The following RGPD3 variants were observed in gnomAD, a reference collection of about 807,000 sequenced individuals.
RGPD3 encodes the protein RANBP2 like and GRIP domain containing 3, also known as ranBP2-like and GRIP domain-containing protein 3.
A neutral mutation model predicts 154.5 loss-of-function variants in RGPD3; 62 were observed. That is an observed-to-expected ratio of 0.40 (90% CI 0.33 to 0.50). The LOEUF is 0.50. Among genes scored for constraint, RGPD3 ranks in the 20% least tolerant of loss-of-function variants. The pLI is 0.59. For synonymous variants in RGPD3, 308 were observed against 607.0 expected, an observed-to-expected ratio of 0.51 and a Z score of 7.24; for missense variants, 919 against 1,716.8, an observed-to-expected ratio of 0.54 and a Z score of 8.21.
In RGPD3 at chr2:106,418,131, C is replaced by CA. The variant is rs774150980; in HGVS notation, c.4925-2143dup. On this transcript the variant is annotated intron_variant, in intron 20 of 22. Transcript: ENST00000409886. ...GACAGAGCAAGACTCCAGCTCAAAA[C>CA]AAAAAAACAAACAAAAAAAAACTTA... is the stretch of plus-strand genomic sequence containing the variant. Among the ~76,000 whole-genome samples, 7 of 143,112 alleles carry CA rather than the reference C, an allele frequency of 4.9e-5. 1 individual carries two copies. The highest frequency in any genetic ancestry group is 1.1e-4 in the Non-Finnish European group (7 of 65,918). The allele number at this position is 143,112 out of a possible 152,430, so 93.9% of individuals were successfully genotyped here.
chr2:106,415,853 A>G lies in RGPD3; in HGVS notation c.5061T>C (p.Ile1687=). The part of the protein sequence containing the change: ...EATNAVLMEQ[I]KLLKSEIRRL... Reference sequence around the variant, plus strand: ...TGGCCAGGTTTTCTGATCTCACCTTAATTTGCTCCATAAGGACTGCATTGG... The same window carrying G: ...TGGCCAGGTTTTCTGATCTCACCTTGATTTGCTCCATAAGGACTGCATTGG... Residue 1687 remains isoleucine (I), a synonymous_variant, in exon 21 of 23, where the codon ATT becomes ATC. Transcript: ENST00000409886. 1 of 1,611,800 alleles carries G rather than the reference A, an allele frequency of 6.2e-7. No individual in the cohort carries two copies. The highest frequency in any genetic ancestry group is 8.5e-7 in the Non-Finnish European group (1 of 1,179,816).
Position 106,424,453 on chromosome 2 carries a change from A to C in RGPD3, c.3514T>G (p.Leu1172Val), listed in dbSNP as rs1677116941. The C allele has an allele frequency of 6.2e-7, 1 of 1,608,252 alleles. No homozygotes were observed. The highest frequency in any genetic ancestry group is 1.3e-5 in the African/African-American group (1 of 74,664). Residue 1172 changes from leucine (L) to valine (V), a missense_variant, in exon 20 of 23, where the codon TTA becomes GTA. Leu to Val is a conservative substitution (Grantham distance 32). Transcript: ENST00000409886. ...QKFEECQRLLLDIPLQTPHKL... is the reference protein window; with the variant it reads ...QKFEECQRLLVDIPLQTPHKL... ...TGGGGAGTTTGAAGTGGTATGTCTA[A>C]CAGAAGCCGCTGGCATTCCTCAAAT...
chr2:106,412,683 C>T, intron 22 of RGPD3: 2 of 455,318 alleles, frequency 4.4e-6, no homozygotes, highest in South Asian at 3.2e-5. Context: ...GGCTCTATGG[C>T]TCCATTGTCT....
chr2:106,423,836 C>T lies in RGPD3; in HGVS notation c.4131G>A (p.Arg1377=), dbSNP rs1677086319. The T allele has an allele frequency of 1.2e-6, 2 of 1,611,854 alleles. No individual in the cohort carries two copies. The highest frequency in any genetic ancestry group is 1.3e-5 in the African/African-American group (1 of 74,834). The change falls in exon 20 of 23, where the codon AGG becomes AGA. Residue 1377 remains arginine, a synonymous_variant. Transcript: ENST00000409886. ...YDKDVGQWKE[R]GIGDIKILQN... is the part of the protein sequence containing the mutation. ...GTAAAATCTTTATATCACCAATGCC[C>T]CTTTCTTTCCATTGACCAACATCTT...
At chr2:106,444,959 C>T in intron 7 of RGPD3, among the ~76,000 whole-genome samples, 2 of 133,394 alleles carry the variant, frequency 1.5e-5, no homozygotes, top group South Asian at 2.6e-4. Context: ...CAGCAAGACT[C>T]TAATAGACAC....
rs570358994 is a variant in RGPD3, at chr2:106,468,299, A to G, written c.-11T>C. ...CTTGCTGCAACTCATCGCGCCACCA[A>G]CCTGGCTCCCGAGATGCGTGAGACC... On this transcript the variant is annotated 5_prime_UTR_variant, in exon 1 of 23. Transcript: ENST00000409886. 9.4e-6 allele frequency: 15 copies of G among 1,602,296 alleles called. No individual in the cohort carries two copies. Among genetic ancestry groups the G allele is most frequent in the South Asian group, 2.3e-5 (2 of 88,784 alleles).
chr2:106,428,609 C>T (rs1677270211), intron 18 of RGPD3, among the ~76,000 whole-genome samples: 1 of 151,570 alleles, frequency 6.6e-6, no homozygotes, highest in Non-Finnish European at 1.5e-5. Flanking sequence ...AGTGGGGTTG[C>T]CTTAACTATA....
rs1423856576 is a variant in RGPD3, at chr2:106,463,955, C to A, written c.72+4262G>T. Among the ~76,000 whole-genome samples the A allele has an allele frequency of 2.6e-5, 4 of 151,874 alleles. No homozygotes were observed. In the East Asian group the frequency reaches 5.8e-4, roughly 22 times the overall value. On this transcript the variant is annotated intron_variant, in intron 1 of 22. Coordinates refer to ENST00000409886, the MANE Select transcript of RGPD3 (RefSeq NM_001144013.2). ...TATATTTATATAAATGTTAAATATT[C>A]ATTTAAACAAAAACTGCAATAACAG...
intron 17 of RGPD3, among the ~76,000 whole-genome samples, chr2:106,432,332 A>C (rs1677388011): frequency 6.8e-6 from 1 of 147,776 alleles, no homozygotes; most frequent in Non-Finnish European, 1.5e-5. Flanking sequence ...GGGTGCCTGT[A>C]ATCCCAGCTA....
In RGPD3 at chr2:106,406,754, T is replaced by C. The variant is rs538220946; in HGVS notation, c.5267-1525A>G. Among the ~76,000 whole-genome samples the C allele has an allele frequency of 6.3e-3, 956 of 152,330 alleles. 2 individuals carry two copies. The highest frequency in any genetic ancestry group is 0.022 in the African/African-American group (915 of 41,576). On this transcript the variant is annotated intron_variant, in intron 22 of 22. Transcript: ENST00000409886. ...TTTTTGTGTGAATACTGGTTTTCAT[T>C]CCTCTTGGATAAAGATTTAATTTGG...
intron 6 of RGPD3, among the ~76,000 whole-genome samples, chr2:106,448,933 C>A (rs1376285647): frequency 6.6e-6 from 1 of 151,024 alleles, no homozygotes; most frequent in Non-Finnish European, 1.5e-5. Context: ...CTTCGTGATC[C>A]ACCCGCCTTG....
chr2:106,465,778 G>T, intron 1 of RGPD3, among the ~76,000 whole-genome samples: 1 of 151,886 alleles, frequency 6.6e-6, no homozygotes, highest in Non-Finnish European at 1.5e-5. Context: ...GGGCAGGGAG[G>T]GGGGCGAGGG....
At chr2:106,467,090 G>C (rs1250297574) in intron 1 of RGPD3, among the ~76,000 whole-genome samples, 2 of 113,968 alleles carry the variant, frequency 1.8e-5, no homozygotes. Context: ...CATCGAGGCC[G>C]CCGCAGGGCC....
At chr2:106,463,552 A>G (rs1331949077) in intron 1 of RGPD3, among the ~76,000 whole-genome samples, 1 of 151,940 alleles carries the variant, frequency 6.6e-6, no homozygotes, top group Non-Finnish European at 1.5e-5. Context: ...AAAACAAAGA[A>G]AGTAAATGAA....
At chr2:106,417,802 G>A (rs1676862435) in intron 20 of RGPD3, among the ~76,000 whole-genome samples, 1 of 151,544 alleles carries the variant, frequency 6.6e-6, no homozygotes, top group African/African-American at 2.4e-5. Context: ...ATAAGTGAAA[G>A]GTGTATGAAG....
intron 20 of RGPD3, 73 bp from the exon 21 acceptor site, chr2:106,416,062 C>A (rs1351401319): frequency 4.5e-6 from 7 of 1,564,828 alleles, no homozygotes; most frequent in East Asian, 2.3e-5. Context: ...TAAGAAAAAT[C>A]TAAATATAAA....
At position 106,424,651 on chromosome 2, in the gene RGPD3, G is replaced by A. The variant is rs776902904; in HGVS notation, c.3316C>T (p.Leu1106=). Residue 1106 remains leucine (L), a synonymous_variant, in exon 20 of 23, where the codon CTA becomes TTA. Transcript: ENST00000409886. ...ATCCAATGATTAGCACACACTTTTA[G>A]TACTTGTTCTCTTTGCATCAGCATT... ...VRMLMQREQV[L]KVCANHWITT... is the part of the protein sequence containing the mutation. 2 of 1,611,978 alleles carry A rather than the reference G, an allele frequency of 1.2e-6. No homozygotes were observed. The highest frequency in any genetic ancestry group is 2.2e-5 in the South Asian group (2 of 90,988).
chr2:106,443,663 A>AATC (rs1487722828), intron 7 of RGPD3, among the ~76,000 whole-genome samples: 1 of 112,254 alleles, frequency 8.9e-6, no homozygotes, highest in African/African-American at 3.3e-5. Flanking sequence ...CACTCAATCA[A>AATC]ATCATCTCAA....
intron 21 of RGPD3, among the ~76,000 whole-genome samples, chr2:106,414,493 G>A (rs368021529): frequency 1.5e-3 from 223 of 148,190 alleles, no homozygotes; most frequent in African/African-American, 5.0e-3. Flanking sequence ...ATGGTGGTGC[G>A]TGCCTGCAGT....
Sources: allele counts gnomAD v4.1 joint callset (sites outside exome capture counted in the v4.1 genomes callset), GRCh38; gene constraint gnomAD v4.1.1; transcripts MANE v1.5; gene names NCBI Gene and HGNC (gene_info 2026-07-23, HGNC 2026-07-21).